Variants in FLNC observed in about 807,000 individuals in gnomAD.
FLNC encodes the protein filamin C.
A neutral mutation model predicts 254.3 loss-of-function variants in FLNC; 91 were observed. The observed-to-expected ratio is 0.36, with a 90% CI of 0.30 to 0.43. The LOEUF is 0.43. FLNC is among the 20% of genes least tolerant of loss of function. The pLI is 1.00. For missense variants in FLNC, 2,853 were observed against 3,802.6 expected (o/e 0.75, Z 6.57); for synonymous variants, 1,430 against 1,577.2 (o/e 0.91, Z 2.21).
At chr7:128,849,279 G>C in intron 29 of FLNC, 52 bp from the exon 30 acceptor site, 1 of 1,614,136 alleles carries the variant, frequency 6.2e-7, no homozygotes, top group Non-Finnish European at 8.5e-7. Flanking sequence ...CGGGAACAGA[G>C]AGGGCTGGCT....
intron 6 of FLNC, 63 bp from the exon 7 acceptor site, chr7:128,838,204 C>T: frequency 6.4e-7 from 1 of 1,558,556 alleles, no homozygotes; most frequent in South Asian, 1.1e-5. Flanking sequence ...CCTGGCTGTG[C>T]CCCTCTGCCC....
chr7:128,843,975 C>T (rs374351351), intron 19 of FLNC, 29 bp from the exon 20 acceptor site: 2 of 1,614,040 alleles, frequency 1.2e-6, no homozygotes, highest in Non-Finnish European at 1.7e-6. Flanking sequence ...ACCGGAGTCT[C>T]CTCATGGTGT....
chr7:128,847,292 GC>G (rs1808605792), intron 24 of FLNC, among the ~76,000 whole-genome samples: 1 of 152,256 alleles, frequency 6.6e-6, no homozygotes, highest in Admixed American at 6.5e-5. Flanking sequence ...TGCAGACCCA[GC>G]TGCCCGGGCA....
In FLNC at chr7:128,846,365, C is replaced by T. The variant is rs767426611; in HGVS notation, c.4029C>T (p.Gly1343=). Residue 1343 remains glycine (G), a synonymous_variant, in exon 23 of 48, where the codon GGC becomes GGT. Coordinates refer to ENST00000325888, the MANE Select transcript of FLNC (RefSeq NM_001458.5). ...TGCCCAAGAGCCCCTTCCGAGTGGG[C>T]GTGACCGAGGGCTGTGATCCCACCC... ...VAVPKSPFRV[G]VTEGCDPTRV... 5.6e-6 allele frequency: 9 copies of T among 1,613,090 alleles called. No homozygotes were observed. The highest frequency in any genetic ancestry group is 1.1e-5 in the South Asian group (1 of 91,084).
Position 128,848,935 on chromosome 7 carries a change from G to T in FLNC, c.4880G>T (p.Arg1627Leu), listed in dbSNP as rs751592993. 1.2e-6 allele frequency: 2 copies of T among 1,613,518 alleles called. No individual in the cohort carries two copies. Among genetic ancestry groups the T allele is most frequent in the Non-Finnish European group, 1.7e-6 (2 of 1,179,966 alleles). The change falls in exon 28 of 48, where the codon CGC (arginine) becomes CTC (leucine). Residue 1627 changes from arginine to leucine, a missense_variant. Transcript: ENST00000325888. Reference protein sequence around the residue: ...GGDEIPYSPFRIHALPTGDAS... With the variant: ...GGDEIPYSPFLIHALPTGDAS... ...GATGAGATCCCCTACTCGCCCTTCC[G>T]CATCCATGCTCTGCCCACTGGGGAT... is the stretch of plus-strand genomic sequence containing the variant.
intron 16 of FLNC, 64 bp from the exon 17 acceptor site, chr7:128,843,165 C>G: frequency 6.7e-7 from 1 of 1,483,078 alleles, no homozygotes; most frequent in South Asian, 1.2e-5. Flanking sequence ...CCTGAGCCAG[C>G]ATCTAGCTGA....
At position 128,836,962 on chromosome 7, in the gene FLNC, G is replaced by A. The variant is rs944712894; in HGVS notation, c.602-198G>A. Among the ~76,000 whole-genome samples the A allele has an allele frequency of 2.0e-5, 3 of 152,250 alleles. No individual in the cohort carries two copies. The highest frequency in any genetic ancestry group is 4.4e-5 in the Non-Finnish European group (3 of 68,056). On this transcript the variant is annotated intron_variant, in intron 2 of 47. Transcript: ENST00000325888. This position sits in a 1 kb window ranked among gnomAD's most constrained non-coding sequence, Gnocchi z 6.0. ...GGGCAGAAAGGCTTCATTGTTGGTG[G>A]TGGAGAGGGCTGTCCTGCTCCTACG...
At position 128,836,490 on chromosome 7, in the gene FLNC, C is replaced by T. The variant is rs573269848; in HGVS notation, c.602-670C>T. ...GAAACGGTGTGCCGTCCCCCTCCTC[C>T]AGCTCTGGCCTAAACCAAGCGCCCC... On this transcript the variant is annotated intron_variant, in intron 2 of 47. Coordinates refer to ENST00000325888, the MANE Select transcript of FLNC (RefSeq NM_001458.5). This position sits in a 1 kb window ranked among gnomAD's most constrained non-coding sequence, Gnocchi z 6.0. 6.6e-6 allele frequency among the ~76,000 whole-genome samples: 1 copy of T among 152,226 alleles called. No individual in the cohort carries two copies. Among genetic ancestry groups the T allele is most frequent in the Non-Finnish European group, 1.5e-5 (1 of 68,028 alleles).
rs1808339921 is a variant in FLNC at position 128,841,623 on chromosome 7, G to A, written c.2121+56G>A. ...ACTACCCATGGCAGGGACCCTGGAA[G>A]GCAGGGCCAGGCCAGAGGCAGAGGC... On this transcript the variant is annotated intron_variant, in intron 13 of 47. Coordinates refer to ENST00000325888, the MANE Select transcript of FLNC (RefSeq NM_001458.5). The surrounding 1 kb of genome is among the most constrained non-coding windows in gnomAD (Gnocchi z 4.3). 1.5e-6 allele frequency: 2 copies of A among 1,357,428 alleles called. No homozygotes were observed. The highest frequency in any genetic ancestry group is 3.4e-5 in the Admixed American group (2 of 59,596). The allele number at this position is 1,357,428 out of a possible 1,614,324, so 84.1% of individuals were successfully genotyped here. A position where few individuals can be genotyped will look rare whatever the true frequency, so the allele number is the denominator to read the frequency against.
chr7:128,853,326 C>T (rs1041103938), intron 37 of FLNC, 143 bp from the exon 38 acceptor site: 23 of 1,049,978 alleles, frequency 2.2e-5, no homozygotes, highest in Non-Finnish European at 3.0e-5. Context: ...GGTGCCCCCG[C>T]TCCTCCCACT....
At chr7:128,832,405 C>G (rs1181433065) in intron 1 of FLNC, among the ~76,000 whole-genome samples, 4 of 152,172 alleles carry the variant, frequency 2.6e-5, no homozygotes, top group African/African-American at 7.2e-5. Flanking sequence ...AGTCCTGGGC[C>G]GGCATCCTCA....
At chr7:128,850,756 G>A (rs2128938181) in intron 32 of FLNC, 47 bp from the exon 33 acceptor site, 1 of 1,612,816 alleles carries the variant, frequency 6.2e-7, no homozygotes, top group African/African-American at 1.3e-5. Context: ...CAGGGAGGTT[G>A]CAGTGGGGGA....
At position 128,847,698 on chromosome 7, in the gene FLNC, G is replaced by A. The variant is rs1387109130; in HGVS notation, c.4290G>A (p.Gly1430=). ...NITFGGRPIP[G]SPFRVPVKDV... is the part of the protein sequence containing the mutation. Reference sequence around the variant, plus strand: ...GGTCTAATGTCCTTCTCCTCACAGGGAGCCCGTTCCGCGTGCCAGTGAAGG... The same window carrying A: ...GGTCTAATGTCCTTCTCCTCACAGGAAGCCCGTTCCGCGTGCCAGTGAAGG... The change falls in exon 25 of 48, where the codon GGG becomes GGA. Residue 1430 remains glycine (G), a splice_region_variant and synonymous_variant. Coordinates refer to ENST00000325888, the MANE Select transcript of FLNC (RefSeq NM_001458.5). 1.9e-6 allele frequency: 3 copies of A among 1,613,958 alleles called. No individual in the cohort carries two copies. The South Asian group carries it at 3.3e-5, about 18-fold the overall frequency.
Position 128,851,574 on chromosome 7 carries a change from G to A in FLNC, c.5788G>A (p.Val1930Met), listed in dbSNP as rs370076553. ...TGCGCCTGGAGACTACAGCATCATC[G>A]TGCGCTTCGATGACAAGCACATCCC... is the stretch of plus-strand genomic sequence containing the variant. ...PTAPGDYSII[V>M]RFDDKHIPGS... Residue 1930 changes from valine to methionine, a missense_variant, in exon 35 of 48, where the codon GTG (valine) becomes ATG (methionine). Transcript: ENST00000325888. The A allele has an allele frequency of 6.2e-6, 10 of 1,613,818 alleles. No individual in the cohort carries two copies. Among genetic ancestry groups the A allele is most frequent in the Non-Finnish European group, 8.5e-6 (10 of 1,180,036 alleles).
chr7:128,844,337 C>T (rs1808466518), intron 20 of FLNC, 71 bp downstream of exon 20: 10 of 1,495,274 alleles, frequency 6.7e-6, no homozygotes, highest in Non-Finnish European at 8.1e-6. Flanking sequence ...TCATAGGGGG[C>T]AGAGGCCAGA....
In FLNC at chr7:128,846,325, A is replaced by G. The variant is rs1437922815; in HGVS notation, c.3989A>G (p.Tyr1330Cys). The change falls in exon 23 of 48, where the codon TAT (tyrosine) becomes TGT (cysteine). Residue 1330 changes from tyrosine to cysteine, a missense_variant. Tyr to Cys is a radical substitution (Grantham distance 194). This residue lies in a region of FLNC where 1,573 missense variants were observed against 1,883.5 expected (regional missense o/e 0.84). Coordinates refer to ENST00000325888, the MANE Select transcript of FLNC (RefSeq NM_001458.5). The part of the protein sequence containing the change: ...EEGVHLVEVL[Y>C]DEVAVPKSPF... ...GGCGTGCATCTGGTGGAGGTCCTGTATGATGAGGTCGCTGTGCCCAAGAGC... is the reference window on the plus strand; with the variant it reads ...GGCGTGCATCTGGTGGAGGTCCTGTGTGATGAGGTCGCTGTGCCCAAGAGC... The G allele has an allele frequency of 1.9e-6, 3 of 1,613,758 alleles. No individual in the cohort carries two copies. Among genetic ancestry groups the G allele is most frequent in the Non-Finnish European group, 2.5e-6 (3 of 1,179,986 alleles).
chr7:128,830,652 C>A lies in FLNC; in HGVS notation c.15C>A (p.Ser5Arg), dbSNP rs759632330. 17 of 1,612,248 alleles carry A rather than the reference C, an allele frequency of 1.1e-5. No individual in the cohort carries two copies. In the Admixed American group the frequency reaches 1.8e-4, roughly 17 times the overall value. ...CCCGCGCCAGCATGATGAACAACAG[C>A]GGCTACTCAGACGCCGGCCTCGGCC... MMNN[S>R]GYSDAGLGLG... Residue 5 changes from serine to arginine, a missense_variant, in exon 1 of 48, where the codon AGC becomes AGA. By Grantham distance (110) the Ser-to-Arg change is moderately radical (BLOSUM62 -1). Transcript: ENST00000325888.
chr7:128,857,073 C>T lies in FLNC; in HGVS notation c.7562-45C>T, dbSNP rs747488477. On this transcript the variant is annotated intron_variant, in intron 45 of 47. Transcript: ENST00000325888. This position sits in a 1 kb window ranked among gnomAD's most constrained non-coding sequence, Gnocchi z 4.5. ...GAGCTGGGGCCCAGTCCCTCTTGGGCCACAAGCCCTTCCTGCCCTCAGCCT... is the reference window on the plus strand; with the variant it reads ...GAGCTGGGGCCCAGTCCCTCTTGGGTCACAAGCCCTTCCTGCCCTCAGCCT... 4 of 1,597,602 alleles carry T rather than the reference C, an allele frequency of 2.5e-6. No homozygotes were observed. The Admixed American group carries it at 5.0e-5, about 20-fold the overall frequency.
Position 128,840,880 on chromosome 7 carries a change from C to T in FLNC, c.1723C>T (p.Arg575Trp), listed in dbSNP as rs761117952. 4 of 1,613,912 alleles carry T rather than the reference C, an allele frequency of 2.5e-6. No individual in the cohort carries two copies. In the Admixed American group the frequency reaches 5.0e-5, roughly 20 times the overall value. Reference protein sequence around the residue: ...VSPEAGVQKVRAWGPGLETGQ... With the variant: ...VSPEAGVQKVWAWGPGLETGQ... ...CCCAGAGGCAGGAGTGCAAAAGGTC[C>T]GGGCCTGGGGTCCTGGTTTGGAGAC... The change falls in exon 11 of 48, where the codon CGG (arginine) becomes TGG (tryptophan). Residue 575 changes from arginine (R) to tryptophan (W), a missense_variant. By Grantham distance (101) the Arg-to-Trp change is moderately radical (BLOSUM62 -3). This residue lies in a region of FLNC where 1,573 missense variants were observed against 1,883.5 expected (regional missense o/e 0.84). Transcript: ENST00000325888.
Sources: allele counts gnomAD v4.1 joint callset (sites outside exome capture counted in the v4.1 genomes callset), GRCh38; gene constraint gnomAD v4.1.1; regional missense constraint gnomAD v4.1.1; non-coding constraint Gnocchi (gnomAD v3.1); transcripts MANE v1.5; gene names NCBI Gene and HGNC (gene_info 2026-07-23, HGNC 2026-07-21).